The following DYM variants were observed in gnomAD, a reference collection of about 807,000 sequenced individuals.
The protein encoded by DYM is dymeclin.
Under a neutral mutation model 93.1 loss-of-function variants are expected in DYM, and 78 were observed. That is an observed-to-expected ratio of 0.84 (90% confidence interval 0.70 to 1.01). The LOEUF (loss-of-function observed/expected upper bound fraction) is 1.01, where lower values mean the gene tolerates loss of function less well. Among genes scored for constraint, DYM ranks in the 50% least tolerant of loss-of-function variants. The pLI is 0.00. For missense variants in DYM, 789 were observed against 845.0 expected (o/e 0.93, Z 0.82); for synonymous variants, 321 against 319.7 (o/e 1.00, Z -0.04).
chr18:49,057,195 A>G (rs2075575750), intron 17 of DYM, among the ~76,000 whole-genome samples: 1 of 152,238 alleles, frequency 6.6e-6, no homozygotes, highest in Admixed American at 6.5e-5. Flanking sequence ...TGAAGGGAGC[A>G]GTTTCACAGT....
intron 15 of DYM, among the ~76,000 whole-genome samples, chr18:49,127,895 A>AGGCGGT (rs2082972182): frequency 6.6e-6 from 1 of 152,174 alleles, no homozygotes; most frequent in Non-Finnish European, 1.5e-5. Context: ...TGGGAGGGGG[A>AGGCGGT]GGCGGTGAGC....
chr18:49,216,274 A>C (rs189110438), intron 13 of DYM, among the ~76,000 whole-genome samples: 1 of 152,348 alleles, frequency 6.6e-6, no homozygotes, highest in Non-Finnish European at 1.5e-5. Context: ...AGAGCCCACC[A>C]CAACTCAAGG....
intron 10 of DYM, among the ~76,000 whole-genome samples, chr18:49,275,961 G>A (rs187080565): frequency 6.6e-6 from 1 of 152,176 alleles, no homozygotes; most frequent in Non-Finnish European, 1.5e-5. Context: ...AATTCTAAGA[G>A]TTTTTTAGTG....
intron 1 of DYM, among the ~76,000 whole-genome samples, chr18:49,438,752 G>T (rs983204539): frequency 1.3e-5 from 2 of 152,156 alleles, no homozygotes; most frequent in East Asian, 1.9e-4. Flanking sequence ...GACATAGTAA[G>T]ACCAGTAGCC....
At chr18:49,424,931 A>G (rs868673513) in intron 2 of DYM, among the ~76,000 whole-genome samples, 23 of 152,266 alleles carry the variant, frequency 1.5e-4, no homozygotes, top group Admixed American at 7.9e-4. Flanking sequence ...ATGCTCATGG[A>G]TAGGAAGAAT....
intron 2 of DYM, among the ~76,000 whole-genome samples, chr18:49,424,669 T>A (rs9952898): frequency 0.24 from 37,163 of 152,064 alleles, 5,088 homozygotes; most frequent in African/African-American, 0.38. Context: ...AAAATCTCCT[T>A]AAGCTGATAA....
At chr18:49,090,643 C>T (rs1328204619) in intron 17 of DYM, among the ~76,000 whole-genome samples, 2 of 152,138 alleles carry the variant, frequency 1.3e-5, no homozygotes, top group Non-Finnish European at 2.9e-5. Context: ...CCAGAAAAAG[C>T]AAACAGTGGC....
intron 13 of DYM, among the ~76,000 whole-genome samples, chr18:49,214,575 A>G (rs1054619419): frequency 1.3e-5 from 2 of 151,956 alleles, no homozygotes; most frequent in African/African-American, 4.8e-5. Context: ...AAAAAAAAAA[A>G]GATAAATTTG....
At chr18:49,160,570 CTG>C (rs955838064) in intron 15 of DYM, among the ~76,000 whole-genome samples, 1 of 69,170 alleles carries the variant, frequency 1.4e-5, no homozygotes, top group African/African-American at 5.7e-5. Context: ...TCGTGAGACT[CTG>C]TCTCAAAAAA....
At chr18:49,202,629 G>T (rs1421165221) in intron 14 of DYM, among the ~76,000 whole-genome samples, 1 of 116,738 alleles carries the variant, frequency 8.6e-6, no homozygotes, top group African/African-American at 3.4e-5. Context: ...GATGTGGGGA[G>T]CGCCTCTGCC....
chr18:49,164,645 T>C (rs1249801782), intron 14 of DYM, among the ~76,000 whole-genome samples: 3 of 152,202 alleles, frequency 2.0e-5, no homozygotes, highest in Non-Finnish European at 4.4e-5. Flanking sequence ...AATGTTTGTA[T>C]AAATGTTAAG....
chr18:49,191,319 G>GTA (rs952376495), intron 14 of DYM, among the ~76,000 whole-genome samples: 9 of 139,626 alleles, frequency 6.4e-5, no homozygotes, highest in Non-Finnish European at 1.4e-4. Context: ...TCCTCTTCCA[G>GTA]TACTAAGTAA....
At chr18:49,172,921 A>G (rs2088934498) in intron 14 of DYM, among the ~76,000 whole-genome samples, 2 of 151,784 alleles carry the variant, frequency 1.3e-5, no homozygotes, top group Admixed American at 1.3e-4. Flanking sequence ...TAAGTTTTAT[A>G]GTTTTAGTTC....
At chr18:49,104,616 A>G (rs1328351093) in intron 16 of DYM, among the ~76,000 whole-genome samples, 1 of 152,192 alleles carries the variant, frequency 6.6e-6, no homozygotes, top group Non-Finnish European at 1.5e-5. Context: ...AGTTTTTAGC[A>G]TGAAGTGTTG....
At chr18:49,074,398 G>A (rs2077134038) in intron 17 of DYM, among the ~76,000 whole-genome samples, 1 of 152,118 alleles carries the variant, frequency 6.6e-6, no homozygotes, top group African/African-American at 2.4e-5. Context: ...TTTATATTAT[G>A]GACTTGAGCA....
chr18:49,208,182 CAAAAAAAAAAA>C (rs138264681), intron 14 of DYM, among the ~76,000 whole-genome samples: 1 of 58,304 alleles, frequency 1.7e-5, no homozygotes, highest in Non-Finnish European at 3.6e-5. Context: ...GACTCCATCT[CAAAAAAAAAAA>C]AAAAAAAAAA....
At chr18:49,426,754 CATGT>C (rs1439855309) in intron 2 of DYM, among the ~76,000 whole-genome samples, 1 of 36,458 alleles carries the variant, frequency 2.7e-5, no homozygotes, top group African/African-American at 8.1e-5. Flanking sequence ...CACTGGAAAA[CATGT>C]GTGTGTGTGT....
At position 49,167,236 on chromosome 18, in the gene DYM, CTAG is replaced by C. The variant is rs2088022847; in HGVS notation, c.1626-3452_1626-3450del. Among the ~76,000 whole-genome samples the C allele has an allele frequency of 2.0e-5, 3 of 151,946 alleles. No homozygotes were observed. In the South Asian group the frequency reaches 6.2e-4, roughly 32 times the overall value. On this transcript the variant is annotated intron_variant, in intron 14 of 17. Transcript: ENST00000675505. ...GAGTATGAACACTCTGTTTTGCTTG[CTAG>C]TAGGACACCAAACAAGGAAGTGAGC...
At chr18:49,412,696 G>T (rs926112582) in intron 2 of DYM, among the ~76,000 whole-genome samples, 30 of 152,226 alleles carry the variant, frequency 2.0e-4, no homozygotes, top group Admixed American at 1.1e-3. Flanking sequence ...AACTTGAAAA[G>T]TTCTAATAAA....
Sources: allele counts gnomAD v4.1 joint callset (sites outside exome capture counted in the v4.1 genomes callset), GRCh38; gene constraint gnomAD v4.1.1; transcripts MANE v1.5; gene names NCBI Gene and HGNC (gene_info 2026-07-23, HGNC 2026-07-21).